Variants in PC observed in about 807,000 individuals in gnomAD.
The protein encoded by PC is pyruvate carboxylase.
Under a neutral mutation model 107.8 loss-of-function variants are expected in PC, and 46 were observed. The observed-to-expected ratio is 0.43, with a 90% CI of 0.34 to 0.55. The LOEUF is 0.55. Ranked by LOEUF, PC falls within the 20% of genes least tolerant of loss-of-function variation. The probability of loss-of-function intolerance (pLI) is 0.04; values close to 1 mark genes in which losing one functional copy is unlikely to be tolerated. For missense variants in PC, 1,241 were observed against 1,643.1 expected, an observed-to-expected ratio of 0.76 and a Z score of 4.23; for synonymous variants, 662 against 684.7, an observed-to-expected ratio of 0.97 and a Z score of 0.52.
At chr11:66,882,180 T>A (rs1452830208) in intron 3 of PC, among the ~76,000 whole-genome samples, 1 of 152,246 alleles carries the variant, frequency 6.6e-6, no homozygotes, top group Non-Finnish European at 1.5e-5. Flanking sequence ...GGATGCCTCT[T>A]GCAACCAGAA....
Position 66,852,595 on chromosome 11 carries a change from C to T in PC, c.1669G>A (p.Val557Met), listed in dbSNP as rs1326342742. The change falls in exon 15 of 23, where the codon GTG (valine) becomes ATG (methionine). Residue 557 changes from valine (V) to methionine (M), a missense_variant. Around this residue, in one of 2 missense-constraint regions of PC, gnomAD observed 1,143 missense variants for 1,551.9 expected, o/e 0.74. Coordinates refer to ENST00000393960, the MANE Select transcript of PC (RefSeq NM_001040716.2). The surrounding 1 kb of genome is among the most constrained non-coding windows in gnomAD (Gnocchi z 4.7). Reference protein sequence around the residue: ...REGPEGFARAVRNHPGLLLMD... With the variant: ...REGPEGFARAMRNHPGLLLMD... The stretch of plus-strand genomic sequence containing the variant: ...AGCAGCAGCCCCGGGTGGTTCCGCA[C>T]AGCTCGAGCAAAGCCCTCAGGCCCC... 6.2e-7 allele frequency: 1 copy of T among 1,613,934 alleles called. No individual in the cohort carries two copies. The highest frequency in any genetic ancestry group is 8.5e-7 in the Non-Finnish European group (1 of 1,180,042).
intron 3 of PC, among the ~76,000 whole-genome samples, chr11:66,921,448 G>A (rs979696882): frequency 2.0e-5 from 3 of 152,158 alleles, no homozygotes; most frequent in Non-Finnish European, 4.4e-5. Context: ...TGCTACTGGG[G>A]TAGGAAAAAT....
chr11:66,898,934 G>T (rs148702069), intron 3 of PC, among the ~76,000 whole-genome samples: 6 of 152,026 alleles, frequency 3.9e-5, no homozygotes, highest in African/African-American at 9.7e-5. Flanking sequence ...CTATGGCAAC[G>T]ATCTTGGCTC....
At chr11:66,863,986 C>T (rs767300227) in intron 11 of PC, 30 bp from the exon 12 acceptor site, 24 of 1,611,894 alleles carry the variant, frequency 1.5e-5, no homozygotes, top group East Asian at 8.9e-5. Flanking sequence ...TGAGGACCTG[C>T]GCCAGAAACT....
chr11:66,912,693 T>C (rs1199201813), intron 3 of PC, among the ~76,000 whole-genome samples: 3 of 152,162 alleles, frequency 2.0e-5, no homozygotes, highest in Admixed American at 2.0e-4. Context: ...CAGGATCCTT[T>C]TCCTGCTTCC....
At chr11:66,859,732 G>C (rs780659355) in intron 12 of PC, 3 of 1,610,920 alleles carry the variant, frequency 1.9e-6, no homozygotes, top group Non-Finnish European at 2.5e-6. Flanking sequence ...CCGGCCGCTG[G>C]GCCCTCTGAC....
At chr11:66,888,871 C>T (rs770357362) in intron 3 of PC, among the ~76,000 whole-genome samples, 3 of 152,040 alleles carry the variant, frequency 2.0e-5, no homozygotes, top group Non-Finnish European at 4.4e-5. Flanking sequence ...GTCAGGAGTT[C>T]GAGACCACCC....
At chr11:66,917,317 C>T (rs1002969151) in intron 3 of PC, among the ~76,000 whole-genome samples, 6 of 152,238 alleles carry the variant, frequency 3.9e-5, no homozygotes, top group African/African-American at 1.4e-4. Flanking sequence ...AGTGATCCAC[C>T]CCGCCTTGGC....
intron 3 of PC, among the ~76,000 whole-genome samples, chr11:66,893,068 T>A (rs557939226): frequency 6.6e-6 from 1 of 152,116 alleles, no homozygotes; most frequent in Non-Finnish European, 1.5e-5. Flanking sequence ...GACAGACCCT[T>A]AGAACAAGTC....
Position 66,878,323 on chromosome 11 carries a change from G to A in PC, c.1-6164C>T, listed in dbSNP as rs544456329. 2.0e-5 allele frequency among the ~76,000 whole-genome samples: 3 copies of A among 152,282 alleles called. No homozygotes were observed. The South Asian group carries it at 6.2e-4, about 32-fold the overall frequency. On this transcript the variant is annotated intron_variant, in intron 3 of 22. Transcript: ENST00000393960. ...AGGGGCACTTACCCGTGGTTTGTGGGTAAACAGGTCATTTTTGTTGCTCTC... is the reference window on the plus strand; with the variant it reads ...AGGGGCACTTACCCGTGGTTTGTGGATAAACAGGTCATTTTTGTTGCTCTC...
chr11:66,911,644 C>T (rs117997966), intron 3 of PC, among the ~76,000 whole-genome samples: 3,758 of 151,734 alleles, frequency 0.025, 68 homozygotes, highest in Middle Eastern at 0.038. Flanking sequence ...AGAAGGAAGG[C>T]GTAAAGAGGA....
In PC at chr11:66,849,749, CG is replaced by C; in HGVS notation, c.3008del (p.Thr1003SerfsTer31). The C allele has an allele frequency of 6.2e-7, 1 of 1,614,194 alleles. No individual in the cohort carries two copies. The highest frequency in any genetic ancestry group is 1.3e-5 in the African/African-American group (1 of 75,054). On this transcript the variant is annotated frameshift_variant, in exon 21 of 23. Transcript: ENST00000393960. LOFTEE classifies it high-confidence loss of function. ...TAGCTGCTGAGAGCACATCTTCCGG[CG>C]TCACCTCCTCCCCATGCCGGTCTAC... ...ELVDRHGEEVTPEDVLSAAMY... is the reference protein window; with the variant it reads ...ELVDRHGEEVXPEDVLSAAMY...
In PC at chr11:66,858,594, G is replaced by T. The variant is rs1217905023; in HGVS notation, c.1368+5180C>A. The stretch of plus-strand genomic sequence containing the variant: ...GTTCTCCTGTGAGCCGCCCCTCATT[G>T]CCCGCCACACGCAGCGCCTCTGGGT... On this transcript the variant is annotated intron_variant, in intron 12 of 22. Transcript: ENST00000393960. The surrounding 1 kb of genome is among the most constrained non-coding windows in gnomAD (Gnocchi z 5.9). 2 of 1,533,978 alleles carry T rather than the reference G, an allele frequency of 1.3e-6. No homozygotes were observed. The highest frequency in any genetic ancestry group is 3.9e-5 in the Admixed American group (2 of 50,870).
At chr11:66,911,567 C>T (rs1042071732) in intron 3 of PC, among the ~76,000 whole-genome samples, 1 of 150,032 alleles carries the variant, frequency 6.7e-6, no homozygotes, top group East Asian at 2.0e-4. Flanking sequence ...CTGGGCAACA[C>T]AGCCAGAGCT....
rs773872994 is a variant in PC, at chr11:66,851,068, C to T, written c.2195G>A (p.Arg732Gln). The change falls in exon 17 of 23, where the codon CGA becomes CAA. Residue 732 changes from arginine (R) to glutamine (Q), a missense_variant. Around this residue, in one of 2 missense-constraint regions of PC, gnomAD observed 1,143 missense variants for 1,551.9 expected, o/e 0.74. Transcript: ENST00000393960. ...YYMGLAEELV[R>Q]AGTHILCIKD... The stretch of plus-strand genomic sequence containing the variant: ...GATGCACAGGATGTGGGTGCCAGCT[C>T]GCACCAGCTCTTCGGCCAAGCCCAT... The T allele has an allele frequency of 3.9e-5, 63 of 1,613,020 alleles. No homozygotes were observed. The highest frequency in any genetic ancestry group is 1.6e-4 in the Middle Eastern group (1 of 6,084).
In PC at chr11:66,925,277, A is replaced by G. The variant is rs929566666; in HGVS notation, c.-1+27153T>C. 3.3e-5 allele frequency among the ~76,000 whole-genome samples: 5 copies of G among 152,320 alleles called. No individual in the cohort carries two copies. In the Middle Eastern group the frequency reaches 0.01, roughly 311 times the overall value. On this transcript the variant is annotated intron_variant, in intron 3 of 22. Transcript: ENST00000393960. ...ATTAGGCGGGAATTTCCTCGTCCTA[A>G]TAAGCCTGGGAGCTCTACGGGAGAC...
At position 66,858,523 on chromosome 11, in the gene PC, C is replaced by T. The variant is rs1172970218; in HGVS notation, c.1369-5140G>A. The T allele has an allele frequency of 5.2e-6, 8 of 1,534,434 alleles. No individual in the cohort carries two copies. The highest frequency in any genetic ancestry group is 7.0e-6 in the Non-Finnish European group (8 of 1,145,694). ...GACGACCTGGAAACGTGCGCCTCCCCGCCCGGCCTGGCCGGCCGCTACTTC... is the reference window on the plus strand; with the variant it reads ...GACGACCTGGAAACGTGCGCCTCCCTGCCCGGCCTGGCCGGCCGCTACTTC... On this transcript the variant is annotated intron_variant, in intron 12 of 22. Coordinates refer to ENST00000393960, the MANE Select transcript of PC (RefSeq NM_001040716.2). This position sits in a 1 kb window ranked among gnomAD's most constrained non-coding sequence, Gnocchi z 5.9.
intron 12 of PC, among the ~76,000 whole-genome samples, chr11:66,856,020 T>C (rs1945790262): frequency 8.1e-6 from 1 of 123,298 alleles, no homozygotes; most frequent in South Asian, 2.2e-4. Context: ...CACGGGGAGG[T>C]GGTGACTTCC....
At chr11:66,888,665 A>G (rs1947458577) in intron 3 of PC, among the ~76,000 whole-genome samples, 1 of 152,264 alleles carries the variant, frequency 6.6e-6, no homozygotes, top group Non-Finnish European at 1.5e-5. Context: ...AATGAAGAGG[A>G]GATGGCAACG....
Sources: gnomAD v4.1 joint callset for allele counts (sites outside exome capture counted in the v4.1 genomes callset) on GRCh38, gnomAD v4.1.1 for gene constraint, gnomAD v4.1.1 regional missense constraint, Gnocchi (gnomAD v3.1) non-coding constraint, MANE v1.5 for transcripts, NCBI Gene and HGNC (gene_info 2026-07-23, HGNC 2026-07-21) for gene names.